DCC: variants seen among roughly 807,000 people sequenced by gnomAD.
DCC encodes DCC netrin 1 receptor.
A neutral mutation model predicts 172.5 loss-of-function variants in DCC; 58 were observed. That is an observed-to-expected ratio of 0.34 (90% CI 0.27 to 0.42). The LOEUF is 0.42. DCC is among the 10% of genes least tolerant of loss of function. The pLI is 1.00. For missense variants in DCC, 1,740 were observed against 1,791.0 expected (o/e 0.97, Z 0.51); for synonymous variants, 709 against 644.5 (o/e 1.10, Z -1.52).
At chr18:52,938,590 A>G (rs73458992) in intron 5 of DCC, among the ~76,000 whole-genome samples, 2,236 of 152,258 alleles carry the variant, frequency 0.015, 57 homozygotes, top group African/African-American at 0.049. Flanking sequence ...TAAGTTATTA[A>G]GAAAATAACC....
chr18:53,364,572 A>G (rs1231462705), intron 15 of DCC, among the ~76,000 whole-genome samples: 1 of 152,162 alleles, frequency 6.6e-6, no homozygotes, highest in African/African-American at 2.4e-5. Flanking sequence ...ACCTTCATCG[A>G]CCATTAAGTG....
intron 1 of DCC, among the ~76,000 whole-genome samples, chr18:52,433,433 G>A (rs1987688514): frequency 1.3e-5 from 2 of 152,022 alleles, no homozygotes; most frequent in African/African-American, 2.4e-5. Context: ...GTATATTCTG[G>A]GACTAGAGTT....
intron 1 of DCC, among the ~76,000 whole-genome samples, chr18:52,734,707 T>C (rs1177078582): frequency 6.6e-6 from 1 of 152,130 alleles, no homozygotes; most frequent in Admixed American, 6.6e-5. Flanking sequence ...CTTTATCCTC[T>C]TTAGTTCATT....
chr18:52,525,086 T>C (rs576786588), intron 1 of DCC, among the ~76,000 whole-genome samples: 9 of 152,094 alleles, frequency 5.9e-5, no homozygotes, highest in African/African-American at 2.2e-4. Flanking sequence ...TATCCTCATA[T>C]ATATATCCTT....
intron 9 of DCC, among the ~76,000 whole-genome samples, chr18:53,193,963 T>C (rs1391956051): frequency 6.6e-6 from 1 of 152,198 alleles, no homozygotes; most frequent in African/African-American, 2.4e-5. Context: ...ATAAAAGCAA[T>C]CTATACCTGT....
intron 1 of DCC, among the ~76,000 whole-genome samples, chr18:52,410,268 T>C (rs1986800478): frequency 6.6e-6 from 1 of 151,994 alleles, no homozygotes; most frequent in Non-Finnish European, 1.5e-5. Flanking sequence ...TCTGAATAAA[T>C]ATATCAATAA....
intron 2 of DCC, among the ~76,000 whole-genome samples, chr18:52,762,069 T>C (rs2145150379): frequency 6.6e-6 from 1 of 152,276 alleles, no homozygotes; most frequent in South Asian, 2.1e-4. Context: ...CAGATGGAGC[T>C]ATGGAGTTCT....
At chr18:53,300,074 A>G (rs1401370402) in intron 12 of DCC, among the ~76,000 whole-genome samples, 1 of 152,222 alleles carries the variant, frequency 6.6e-6, no homozygotes, top group African/African-American at 2.4e-5. Context: ...GTGCGATAGT[A>G]TTTTGAATAT....
chr18:53,056,630 T>C (rs1173238711), intron 5 of DCC, among the ~76,000 whole-genome samples: 2 of 152,120 alleles, frequency 1.3e-5, no homozygotes, highest in South Asian at 2.1e-4. Flanking sequence ...TTCAAATATA[T>C]GCATTCCAGA....
chr18:52,944,960 A>G (rs561738339), intron 5 of DCC, among the ~76,000 whole-genome samples: 2 of 152,272 alleles, frequency 1.3e-5, no homozygotes, highest in South Asian at 2.1e-4. Flanking sequence ...ATAGCTTCTC[A>G]TCATCTTTCT....
intron 7 of DCC, among the ~76,000 whole-genome samples, chr18:53,146,736 C>T (rs192361033): frequency 1.2e-4 from 19 of 152,294 alleles, no homozygotes; most frequent in Non-Finnish European, 2.2e-4. Flanking sequence ...GGAATACCTG[C>T]CAAGCGTATG....
intron 2 of DCC, among the ~76,000 whole-genome samples, chr18:52,905,623 A>C (rs1274213956): frequency 1.3e-5 from 2 of 152,168 alleles, no homozygotes; most frequent in Non-Finnish European, 2.9e-5. Context: ...TCCTTTGTCC[A>C]AAGTGGGGTA....
chr18:52,610,073 G>C (rs113534738), intron 1 of DCC, among the ~76,000 whole-genome samples: 8,735 of 143,916 alleles, frequency 0.061, 362 homozygotes, highest in African/African-American at 0.098. Context: ...CAACATTTTG[G>C]GATGCTGAGG....
intron 23 of DCC, among the ~76,000 whole-genome samples, chr18:53,456,488 A>G (rs1339351914): frequency 3.9e-5 from 6 of 152,210 alleles, no homozygotes; most frequent in African/African-American, 7.2e-5. Flanking sequence ...GGGGCCAAAC[A>G]TGAAATACTC....
chr18:53,531,783 T>C lies in DCC; in HGVS notation c.*1130T>C, dbSNP rs1278352338. On this transcript the variant is annotated 3_prime_UTR_variant, in exon 29 of 29. Transcript: ENST00000442544. Reference sequence around the variant, plus strand: ...CCTACAGGGTCAGTGTTGGCAAGCATTGGCCACCAGACCCTTTTGTTAAGG... The same window carrying C: ...CCTACAGGGTCAGTGTTGGCAAGCACTGGCCACCAGACCCTTTTGTTAAGG... The C allele has an allele frequency of 6.6e-6, 1 of 152,198 alleles. No individual in the cohort carries two copies. The highest frequency in any genetic ancestry group is 1.9e-4 in the East Asian group (1 of 5,190). 9.4% of individuals were successfully genotyped at this position (152,198 alleles called of 1,614,324 possible). A position where few individuals can be genotyped will look rare whatever the true frequency, so the allele number is the denominator to read the frequency against.
intron 13 of DCC, among the ~76,000 whole-genome samples, chr18:53,321,844 C>T (rs1391756856): frequency 6.6e-6 from 1 of 152,134 alleles, no homozygotes; most frequent in Non-Finnish European, 1.5e-5. Context: ...TGGAAAAAAA[C>T]TCATAAGAAT....
chr18:52,717,922 A>G (rs1255642769), intron 1 of DCC, among the ~76,000 whole-genome samples: 1 of 152,208 alleles, frequency 6.6e-6, no homozygotes, highest in Non-Finnish European at 1.5e-5. Context: ...TGTAAATTTT[A>G]TAGTATGTCT....
intron 7 of DCC, among the ~76,000 whole-genome samples, chr18:53,099,943 C>CTTTTTTTTTTTTTTTTTTT (rs533618559): frequency 7.5e-5 from 7 of 92,758 alleles, no homozygotes; most frequent in African/African-American, 2.0e-4. Context: ...TTCTTTCTTT[C>CTTTTTTTTTTTTTTTTTTT]TTTTTTTTTT....
chr18:53,525,612 G>A lies in DCC; in HGVS notation c.4112-1005G>A, dbSNP rs193252665. On this transcript the variant is annotated intron_variant, in intron 27 of 28. Transcript: ENST00000442544. ...TCAGATGACTCCTATTTATCTGATT[G>A]TAGAGTAACCTCTGAGCTTTATTAG... Among the ~76,000 whole-genome samples, 216 of 152,112 alleles carry A rather than the reference G, an allele frequency of 1.4e-3. 2 individuals are homozygous for A. The highest frequency in any genetic ancestry group is 6.8e-3 in the Middle Eastern group (2 of 294).
Sources: allele counts gnomAD v4.1 joint callset (sites outside exome capture counted in the v4.1 genomes callset), GRCh38; gene constraint gnomAD v4.1.1; transcripts MANE v1.5; gene names NCBI Gene and HGNC (gene_info 2026-07-23, HGNC 2026-07-21).